RPS6KC1: variants seen among roughly 807,000 people sequenced by gnomAD.
RPS6KC1 encodes the protein inactive ribosomal protein S6 kinase delta-1.
RPS6KC1 carries 54 observed loss-of-function variants against 103.8 expected under a neutral mutation model. The observed-to-expected ratio is 0.52, with a 90% CI of 0.42 to 0.65. RPS6KC1 has a LOEUF of 0.65. Ranked by LOEUF, RPS6KC1 falls within the 30% of genes least tolerant of loss-of-function variation. The probability of loss-of-function intolerance (pLI) is 0.00; values close to 1 mark genes in which losing one functional copy is unlikely to be tolerated. For synonymous variants in RPS6KC1, 439 were observed against 438.7 expected, an observed-to-expected ratio of 1.00 and a Z score of -0.01; for missense variants, 1,151 against 1,253.8, an observed-to-expected ratio of 0.92 and a Z score of 1.24.
the RPS6KC1 span, among the ~76,000 whole-genome samples, chr1:213,650,980 TG>T: frequency 1.2e-5 from 1 of 85,058 alleles, no homozygotes; most frequent in African/African-American, 4.8e-5. Context: ...GAAAACGTGT[TG>T]GGGGTGGGGT....
chr1:213,699,631 C>T, the RPS6KC1 span, among the ~76,000 whole-genome samples: 1 of 152,058 alleles, frequency 6.6e-6, no homozygotes, highest in African/African-American at 2.4e-5. Flanking sequence ...GAGGAACTTC[C>T]AAACTATTTT....
the RPS6KC1 span, among the ~76,000 whole-genome samples, chr1:213,626,299 T>G: frequency 6.6e-6 from 1 of 152,242 alleles, no homozygotes. Flanking sequence ...TAAATTTGTT[T>G]GAGTTCATTG....
the RPS6KC1 span, among the ~76,000 whole-genome samples, chr1:213,635,940 G>A: frequency 1.3e-5 from 2 of 152,178 alleles, no homozygotes; most frequent in African/African-American, 4.8e-5. Flanking sequence ...CAAAATCAAT[G>A]TGCAAAAATC....
the RPS6KC1 span, among the ~76,000 whole-genome samples, chr1:213,685,442 C>A: frequency 1.3e-5 from 2 of 152,050 alleles, no homozygotes; most frequent in African/African-American, 4.8e-5. Context: ...ACCAGCCTAG[C>A]CAACATGGTG....
the RPS6KC1 span, among the ~76,000 whole-genome samples, chr1:213,612,074 G>C: frequency 1.3e-5 from 2 of 152,208 alleles, no homozygotes; most frequent in African/African-American, 4.8e-5. Context: ...TAGGTCAGCA[G>C]CTCTCAGATG....
intron 1 of RPS6KC1, among the ~76,000 whole-genome samples, chr1:213,064,463 G>C (rs2078121150): frequency 6.6e-6 from 1 of 151,872 alleles, no homozygotes; most frequent in African/African-American, 2.4e-5. Flanking sequence ...CACCTCCCGG[G>C]TTCAAGCGAT....
At chr1:213,265,372 C>T (rs1196286251) in intron 14 of RPS6KC1, among the ~76,000 whole-genome samples, 4 of 152,206 alleles carry the variant, frequency 2.6e-5, no homozygotes, top group African/African-American at 9.6e-5. Context: ...TTTAGAATTT[C>T]ACATTTAAAG....
intron 8 of RPS6KC1, among the ~76,000 whole-genome samples, chr1:213,195,904 T>C (rs1035279666): frequency 1.3e-5 from 2 of 151,992 alleles, no homozygotes; most frequent in Non-Finnish European, 2.9e-5. Context: ...TAGGCTGGCT[T>C]CATATTTTTG....
At chr1:213,749,262 C>G in the RPS6KC1 span, among the ~76,000 whole-genome samples, 1 of 152,110 alleles carries the variant, frequency 6.6e-6, no homozygotes, top group Non-Finnish European at 1.5e-5. Flanking sequence ...GAGTGTTTGG[C>G]GGGCAGAAGG....
intron 3 of RPS6KC1, among the ~76,000 whole-genome samples, chr1:213,104,043 C>T (rs1357011852): frequency 2.0e-5 from 3 of 152,094 alleles, no homozygotes; most frequent in Non-Finnish European, 4.4e-5. Context: ...CTCTCTTCAG[C>T]CCCTTTATAA....
At chr1:213,527,912 G>T in the RPS6KC1 span, among the ~76,000 whole-genome samples, 5 of 152,052 alleles carry the variant, frequency 3.3e-5, no homozygotes, top group African/African-American at 1.2e-4. Context: ...CTAAAGAAAA[G>T]AAAATGTTAA....
the RPS6KC1 span, among the ~76,000 whole-genome samples, chr1:213,361,092 C>G: frequency 1.3e-5 from 2 of 152,244 alleles, no homozygotes; most frequent in Non-Finnish European, 2.9e-5. Flanking sequence ...AGCTGTCAGA[C>G]AGGGACATTT....
rs151216215 is a variant in RPS6KC1 at position 213,258,098 on chromosome 1, C to T, written c.2912-3460C>T. ...CTGGGTTCAAGCAATTCCTCTGCCT[C>T]GGCCTCCCGAGTAGCTGGGACTACA... On this transcript the variant is annotated intron_variant, in intron 12 of 14. Coordinates refer to ENST00000366960, the MANE Select transcript of RPS6KC1 (RefSeq NM_012424.6). Among the ~76,000 whole-genome samples the T allele has an allele frequency of 5.0e-3, 755 of 152,274 alleles. 5 individuals are homozygous for T. The highest frequency in any genetic ancestry group is 0.014 in the African/African-American group (600 of 41,570).
intron 12 of RPS6KC1, among the ~76,000 whole-genome samples, chr1:213,261,137 G>T (rs968460919): frequency 1.8e-5 from 2 of 112,248 alleles, no homozygotes; most frequent in African/African-American, 4.9e-5. Context: ...CAAGTAAAAG[G>T]ATGATTAATA....
the RPS6KC1 span, among the ~76,000 whole-genome samples, chr1:213,602,038 T>TTCTTTCTTTCTTTCTTTCTTTCTTTC: frequency 3.8e-5 from 1 of 26,570 alleles, no homozygotes; most frequent in Non-Finnish European, 9.5e-5. Context: ...CTCTTTCTCT[T>TTCTTTCTTTCTTTCTTTCTTTCTTTC]TCTTTCTTTC....
chr1:213,358,022 T>A, the RPS6KC1 span, among the ~76,000 whole-genome samples: 1 of 152,232 alleles, frequency 6.6e-6, no homozygotes, highest in African/African-American at 2.4e-5. Flanking sequence ...GATGTGCTGC[T>A]GGATTCGGTT....
chr1:213,776,740 TCTC>T, the RPS6KC1 span, among the ~76,000 whole-genome samples: 1 of 152,174 alleles, frequency 6.6e-6, no homozygotes, highest in Non-Finnish European at 1.5e-5. Context: ...GACATTGACT[TCTC>T]CTCTCTAGCT....
At chr1:213,570,289 T>G in the RPS6KC1 span, among the ~76,000 whole-genome samples, 2 of 152,168 alleles carry the variant, frequency 1.3e-5, no homozygotes, top group South Asian at 4.1e-4. Context: ...TAAGTGAGAT[T>G]GTGTATGTGA....
chr1:213,268,468 A>C (rs894409676), intron 14 of RPS6KC1, among the ~76,000 whole-genome samples: 2 of 151,614 alleles, frequency 1.3e-5, no homozygotes, highest in African/African-American at 4.8e-5. Context: ...GTAGTAACTT[A>C]AGTCCAAGGA....
Sources: allele counts gnomAD v4.1 joint callset (sites outside exome capture counted in the v4.1 genomes callset), GRCh38; gene constraint gnomAD v4.1.1; transcripts MANE v1.5; gene names NCBI Gene and HGNC (gene_info 2026-07-23, HGNC 2026-07-21).